Variants in PLD1 observed in about 807,000 individuals in gnomAD.
PLD1 encodes choline phosphatase 1.
PLD1 carries 112 observed loss-of-function variants against 137.1 expected under a neutral mutation model. The ratio of observed to expected loss-of-function variants is 0.82; its 90% CI spans 0.70 to 0.96. PLD1 has a LOEUF of 0.96. Among genes scored for constraint, PLD1 ranks in the 40% least tolerant of loss-of-function variants. The pLI, the probability that PLD1 is intolerant of heterozygous loss-of-function variation, is 0.00. For synonymous variants in PLD1, 431 were observed against 454.7 expected (o/e 0.95, Z 0.66); for missense variants, 1,321 against 1,342.0 (o/e 0.98, Z 0.24).
At chr3:171,786,756 A>T (rs1437911878) in intron 1 of PLD1, among the ~76,000 whole-genome samples, 1 of 152,152 alleles carries the variant, frequency 6.6e-6, no homozygotes, top group Non-Finnish European at 1.5e-5. Flanking sequence ...TTAAAGAAAT[A>T]TATTTTATAT....
chr3:171,732,291 G>C (rs1719001568), intron 6 of PLD1, among the ~76,000 whole-genome samples: 1 of 152,142 alleles, frequency 6.6e-6, no homozygotes, highest in African/African-American at 2.4e-5. Flanking sequence ...TCCTTCTCTT[G>C]AGATCCTCTG....
At chr3:171,633,499 T>G (rs1299572225) in intron 23 of PLD1, among the ~76,000 whole-genome samples, 2 of 152,030 alleles carry the variant, frequency 1.3e-5, no homozygotes, top group African/African-American at 4.8e-5. Context: ...GATGGGAGGC[T>G]AGGGGAGGGA....
In PLD1 at chr3:171,692,341, G is replaced by A; in HGVS notation, c.1329C>T (p.Pro443=). The A allele has an allele frequency of 6.9e-7, 1 of 1,441,884 alleles. No individual in the cohort carries two copies. Among genetic ancestry groups the A allele is most frequent in the Non-Finnish European group, 9.8e-7 (1 of 1,024,274 alleles). 89.3% of individuals were successfully genotyped at this position (1,441,884 alleles called of 1,614,324 possible). The change falls in exon 13 of 27, where the codon CCC becomes CCT. Residue 443 remains proline, a synonymous_variant. Transcript: ENST00000351298. ...YTKRTLMRLH[P]NIKVMRHPDH... The stretch of plus-strand genomic sequence containing the variant: ...AGATGAACCTGAATACCTTTATGTT[G>A]GGATGTAGACGCATCAAAGTCCTCT...
At chr3:171,724,415 T>G (rs941237264) in intron 8 of PLD1, among the ~76,000 whole-genome samples, 3 of 152,236 alleles carry the variant, frequency 2.0e-5, no homozygotes, top group African/African-American at 7.2e-5. Context: ...GTTGAGCATC[T>G]TTTCGTATAC....
rs571052395 is a variant in PLD1 at position 171,786,645 on chromosome 3, C to T, written c.-32+23754G>A. Among the ~76,000 whole-genome samples, 9 of 152,302 alleles carry T rather than the reference C, an allele frequency of 5.9e-5. No individual in the cohort carries two copies. The South Asian group carries it at 1.7e-3, about 28-fold the overall frequency. On this transcript the variant is annotated intron_variant, in intron 1 of 26. Transcript: ENST00000351298. Reference sequence around the variant, plus strand: ...TCAGAATTTCTTTTGCTCAAAGCAACATTACTGTTCGGGATGGCACCATAA... The same window carrying T: ...TCAGAATTTCTTTTGCTCAAAGCAATATTACTGTTCGGGATGGCACCATAA...
intron 1 of PLD1, chr3:171,792,299 T>G (rs1723243651): frequency 3.2e-6 from 1 of 315,190 alleles, no homozygotes; most frequent in South Asian, 2.7e-5. Flanking sequence ...ATATGCACCC[T>G]GTACCTCCGT....
At chr3:171,694,989 T>G (rs1715548973) in intron 12 of PLD1, among the ~76,000 whole-genome samples, 2 of 152,208 alleles carry the variant, frequency 1.3e-5, no homozygotes, top group South Asian at 4.1e-4. Context: ...TGTATGTGGT[T>G]TATAATTATT....
intron 16 of PLD1, among the ~76,000 whole-genome samples, chr3:171,679,317 A>G (rs1406725736): frequency 2.6e-5 from 4 of 152,266 alleles, no homozygotes; most frequent in African/African-American, 9.6e-5. Flanking sequence ...AAAATGCCAT[A>G]GATTAGCAAA....
Position 171,670,345 on chromosome 3 carries a change from G to T in PLD1, c.2229+4155C>A, listed in dbSNP as rs141101725. Reference sequence around the variant, plus strand: ...ATCATGACACTCCAAATACCCTGAGGCCTCTTTAATAAAATCAATGCAAAT... The same window carrying T: ...ATCATGACACTCCAAATACCCTGAGTCCTCTTTAATAAAATCAATGCAAAT... On this transcript the variant is annotated intron_variant, in intron 19 of 26. Transcript: ENST00000351298. Among the ~76,000 whole-genome samples the T allele has an allele frequency of 4.7e-3, 723 of 152,262 alleles. 4 individuals are homozygous for T. Among genetic ancestry groups the T allele is most frequent in the African/African-American group, 0.017 (699 of 41,532 alleles).
At chr3:171,639,848 C>CTCTCTATATATATATATATATA (rs3050415) in intron 23 of PLD1, among the ~76,000 whole-genome samples, 2 of 110,210 alleles carry the variant, frequency 1.8e-5, no homozygotes, top group African/African-American at 7.9e-5. Context: ...CTCTCTCTCT[C>CTCTCTATATATATATATATATA]TATATATATA....
At chr3:171,708,478 C>T (rs1716874594) in intron 11 of PLD1, among the ~76,000 whole-genome samples, 1 of 152,190 alleles carries the variant, frequency 6.6e-6, no homozygotes, top group African/African-American at 2.4e-5. Flanking sequence ...ACTTGCATTA[C>T]AGTATAATCT....
intron 15 of PLD1, among the ~76,000 whole-genome samples, chr3:171,687,065 T>A (rs1451105701): frequency 2.0e-5 from 3 of 152,254 alleles, no homozygotes; most frequent in African/African-American, 7.2e-5. Context: ...GTTTATAAAG[T>A]ACATCTAATA....
At chr3:171,721,264 A>G (rs78614391) in intron 8 of PLD1, 5,114 of 152,400 alleles carry the variant, frequency 0.034, 310 homozygotes, top group African/African-American at 0.12. Flanking sequence ...CGTGTATAAA[A>G]GAGTTTAAGA....
chr3:171,680,095 A>T (rs1243171923), intron 16 of PLD1, among the ~76,000 whole-genome samples: 1 of 151,882 alleles, frequency 6.6e-6, no homozygotes, highest in Non-Finnish European at 1.5e-5. Context: ...GTCGTGCCAC[A>T]TCCTCCTCCT....
intron 19 of PLD1, among the ~76,000 whole-genome samples, chr3:171,667,700 G>C (rs1578226089): frequency 6.6e-6 from 1 of 152,174 alleles, no homozygotes. Flanking sequence ...AGTATCCATA[G>C]CTAATTAACC....
At chr3:171,761,559 A>G (rs1721396895) in intron 1 of PLD1, among the ~76,000 whole-genome samples, 1 of 152,200 alleles carries the variant, frequency 6.6e-6, no homozygotes, top group Non-Finnish European at 1.5e-5. Context: ...TGCTGTAACT[A>G]TGCACAAGGG....
chr3:171,781,679 A>G (rs1026379746), intron 1 of PLD1, among the ~76,000 whole-genome samples: 13 of 152,210 alleles, frequency 8.5e-5, no homozygotes, highest in African/African-American at 2.9e-4. Flanking sequence ...GAAAAACGCA[A>G]TGAGGTACTG....
chr3:171,804,651 C>A (rs773590416), intron 1 of PLD1, among the ~76,000 whole-genome samples: 12 of 152,194 alleles, frequency 7.9e-5, no homozygotes, highest in Non-Finnish European at 1.8e-4. Flanking sequence ...TGGAAAGTGG[C>A]ATAAACCAAA....
chr3:171,674,634 A>T, intron 18 of PLD1, 21 bp from the exon 19 acceptor site: 2 of 1,269,556 alleles, frequency 1.6e-6, no homozygotes, highest in Non-Finnish European at 2.3e-6. Flanking sequence ...GAAAAAGGAT[A>T]AAATATTCAA....
Sources: gnomAD v4.1 joint callset for allele counts (sites outside exome capture counted in the v4.1 genomes callset) on GRCh38, gnomAD v4.1.1 for gene constraint, MANE v1.5 for transcripts, NCBI Gene and HGNC (gene_info 2026-07-23, HGNC 2026-07-21) for gene names.